BRINP1: variants seen among roughly 807,000 people sequenced by gnomAD.
BRINP1 encodes the protein BMP/retinoic acid-inducible neural-specific protein 1.
A neutral mutation model predicts 72.9 loss-of-function variants in BRINP1; 17 were observed. The ratio of observed to expected loss-of-function variants is 0.23; its 90% confidence interval spans 0.16 to 0.35. The LOEUF (loss-of-function observed/expected upper bound fraction) is 0.35. BRINP1 is among the 10% of genes least tolerant of loss of function. BRINP1 has a pLI of 1.00. For synonymous variants in BRINP1, 418 were observed against 378.5 expected (o/e 1.10, Z -1.21); for missense variants, 850 against 1,001.6 (o/e 0.85, Z 2.04).
rs1457250721 is a variant in BRINP1 at position 119,272,092 on chromosome 9, A to T, written c.219-22942T>A. 0.016 allele frequency among the ~76,000 whole-genome samples: 67 copies of T among 4,208 alleles called. No individual in the cohort carries two copies. The South Asian group carries it at 0.25, about 16-fold the overall frequency. The allele number at this position is 4,208 out of a possible 152,430, so 2.8% of individuals were successfully genotyped here. The stretch of plus-strand genomic sequence containing the variant: ...TTTACTTTTTTGGTTTTTTTGAGAC[A>T]AAAAAAAAAAAAAAAACAGCCTGTC... On this transcript the variant is annotated intron_variant, in intron 2 of 7. Transcript: ENST00000265922.
At chr9:119,255,400 C>G (rs1004743429) in intron 2 of BRINP1, among the ~76,000 whole-genome samples, 1 of 152,198 alleles carries the variant, frequency 6.6e-6, no homozygotes. Flanking sequence ...AGGGCCATCC[C>G]ACTGGGGGAG....
intron 1 of BRINP1, among the ~76,000 whole-genome samples, chr9:119,362,723 C>T (rs1831649559): frequency 1.3e-5 from 2 of 152,294 alleles, no homozygotes; most frequent in African/African-American, 4.8e-5. Context: ...CTTGTTTCTC[C>T]TCCTCACTTT....
intron 1 of BRINP1, among the ~76,000 whole-genome samples, chr9:119,319,909 A>G (rs1407501655): frequency 1.3e-5 from 2 of 152,184 alleles, no homozygotes; most frequent in Non-Finnish European, 2.9e-5. Context: ...GAGATTCAAA[A>G]TATAATGGGG....
Position 119,313,218 on chromosome 9 carries a change from C to A in BRINP1, c.138G>T (p.Gly46=). The change falls in exon 2 of 8, where the codon GGG becomes GGT. Residue 46 remains glycine, a synonymous_variant. Coordinates refer to ENST00000265922, the MANE Select transcript of BRINP1 (RefSeq NM_014618.3). Reference sequence around the variant, plus strand: ...GGTAGCTCCTGGAGTGGTGGAAAGGCCCCCTGTCTGAAATGAGCCAATCAA... The same window carrying A: ...GGTAGCTCCTGGAGTGGTGGAAAGGACCCCTGTCTGAAATGAGCCAATCAA... ...KEFDWLISDR[G]PFHHSRSYLS... 6.2e-7 allele frequency: 1 copy of A among 1,614,136 alleles called. No homozygotes were observed. Among genetic ancestry groups the A allele is most frequent in the South Asian group, 1.1e-5 (1 of 91,082 alleles).
chr9:119,170,878 A>G (rs1456983354), intron 7 of BRINP1, among the ~76,000 whole-genome samples: 4 of 145,964 alleles, frequency 2.7e-5, no homozygotes, highest in Non-Finnish European at 5.9e-5. Flanking sequence ...ATCCAGCCAA[A>G]CTAAGCTTCA....
At chr9:119,188,965 G>A (rs1048976915) in intron 7 of BRINP1, among the ~76,000 whole-genome samples, 5 of 152,026 alleles carry the variant, frequency 3.3e-5, no homozygotes, top group African/African-American at 4.8e-5. Flanking sequence ...AAGTTAAAAT[G>A]ACCAAAAATG....
chr9:119,251,759 G>A (rs563238164), intron 2 of BRINP1, among the ~76,000 whole-genome samples: 178 of 152,248 alleles, frequency 1.2e-3, no homozygotes, highest in African/African-American at 4.2e-3. Context: ...TGGGATGTGG[G>A]CATGGGGGAA....
At chr9:119,350,420 T>C (rs1432942564) in intron 1 of BRINP1, among the ~76,000 whole-genome samples, 1 of 152,166 alleles carries the variant, frequency 6.6e-6, no homozygotes, top group Non-Finnish European at 1.5e-5. Context: ...GATGAATTTA[T>C]ACTAAGTTGC....
intron 3 of BRINP1, among the ~76,000 whole-genome samples, chr9:119,245,886 T>G (rs1296974980): frequency 6.6e-6 from 1 of 152,164 alleles, no homozygotes; most frequent in Non-Finnish European, 1.5e-5. Flanking sequence ...TAAAGAAATT[T>G]ATATTCAGAC....
At chr9:119,220,232 C>T (rs1273336819) in intron 5 of BRINP1, among the ~76,000 whole-genome samples, 1 of 152,092 alleles carries the variant, frequency 6.6e-6, no homozygotes, top group African/African-American at 2.4e-5. Context: ...GAGTTTCAAC[C>T]ACTGGGAGTA....
intron 3 of BRINP1, among the ~76,000 whole-genome samples, chr9:119,246,285 T>C (rs1830315289): frequency 6.6e-6 from 1 of 152,102 alleles, no homozygotes; most frequent in Non-Finnish European, 1.5e-5. Flanking sequence ...TTTGAGTCAG[T>C]GGACTGGGAA....
intron 1 of BRINP1, among the ~76,000 whole-genome samples, chr9:119,346,543 A>C (rs1831454401): frequency 6.6e-6 from 1 of 152,218 alleles, no homozygotes; most frequent in South Asian, 2.1e-4. Context: ...TTTTGACACC[A>C]AATTTTAGAC....
At chr9:119,287,106 T>G (rs1324563178) in intron 2 of BRINP1, among the ~76,000 whole-genome samples, 1 of 152,068 alleles carries the variant, frequency 6.6e-6, no homozygotes, top group African/African-American at 2.4e-5. Flanking sequence ...GATTTATCTC[T>G]TCTCTAAGGG....
intron 2 of BRINP1, among the ~76,000 whole-genome samples, chr9:119,295,467 T>C (rs1830866165): frequency 6.6e-6 from 1 of 152,240 alleles, no homozygotes; most frequent in South Asian, 2.1e-4. Context: ...GTACAAGATG[T>C]TACTTTACTG....
At chr9:119,214,917 C>T (rs552681713) in intron 5 of BRINP1, among the ~76,000 whole-genome samples, 1 of 152,076 alleles carries the variant, frequency 6.6e-6, no homozygotes, top group Non-Finnish European at 1.5e-5. Context: ...TGGAGGTGCT[C>T]GTGCTGTAGA....
intron 1 of BRINP1, among the ~76,000 whole-genome samples, chr9:119,335,194 G>A (rs1409489522): frequency 6.6e-6 from 1 of 152,144 alleles, no homozygotes; most frequent in Admixed American, 6.5e-5. Context: ...TTAACCTAAG[G>A]CTGCTTGAGC....
At chr9:119,203,802 T>C (rs1829826768) in intron 7 of BRINP1, among the ~76,000 whole-genome samples, 1 of 152,166 alleles carries the variant, frequency 6.6e-6, no homozygotes, top group African/African-American at 2.4e-5. Context: ...TTATTATTAA[T>C]CTTATGTTCC....
intron 2 of BRINP1, among the ~76,000 whole-genome samples, chr9:119,274,639 T>C (rs1054363118): frequency 6.6e-6 from 1 of 152,128 alleles, no homozygotes; most frequent in Non-Finnish European, 1.5e-5. Context: ...AGAATGGAAA[T>C]GATTCTAACA....
intron 2 of BRINP1, among the ~76,000 whole-genome samples, chr9:119,258,000 G>GA: frequency 6.6e-6 from 1 of 151,542 alleles, no homozygotes; most frequent in African/African-American, 2.4e-5. Context: ...AAAAGAAGAA[G>GA]AAAAAAAGAA....
Sources: gnomAD v4.1 joint callset for allele counts (sites outside exome capture counted in the v4.1 genomes callset) on GRCh38, gnomAD v4.1.1 for gene constraint, MANE v1.5 for transcripts, NCBI Gene and HGNC (gene_info 2026-07-23, HGNC 2026-07-21) for gene names.